MCM5: variants seen among roughly 807,000 people sequenced by gnomAD.
MCM5 encodes the protein DNA replication licensing factor MCM5.
In MCM5, 46 loss-of-function variants were observed where a neutral mutation model predicts 79.9. The observed-to-expected ratio is 0.58, with a 90% CI of 0.45 to 0.74. The LOEUF is 0.74. MCM5 is among the 30% of genes least tolerant of loss of function. The pLI is 0.00. For missense variants in MCM5, 883 were observed against 1,017.0 expected (o/e 0.87, Z 1.79); for synonymous variants, 404 against 390.5 (o/e 1.03, Z -0.41).
intron 15 of MCM5, 46 bp from the exon 16 acceptor site, chr22:35,423,168 C>T: frequency 6.6e-7 from 1 of 1,515,326 alleles, no homozygotes; most frequent in Non-Finnish European, 8.9e-7. Context: ...TCCAAGAACT[C>T]CCATTGTCCC....
intron 13 of MCM5, among the ~76,000 whole-genome samples, chr22:35,418,372 T>C (rs1032721397): frequency 2.0e-5 from 3 of 152,148 alleles, no homozygotes; most frequent in Non-Finnish European, 2.9e-5. Context: ...ATTATATACA[T>C]AGTACTGGCT....
At position 35,416,631 on chromosome 22, in the gene MCM5, C is replaced by T; in HGVS notation, c.1414-7C>T. On this transcript the variant is annotated splice_region_variant and splice_polypyrimidine_tract_variant and intron_variant, in intron 11 of 16. Coordinates refer to ENST00000216122, the MANE Select transcript of MCM5 (RefSeq NM_006739.4). Reference sequence around the variant, plus strand: ...CCTCCCCCTTTTCGTCGTCTGTCGCCTGTTAGGCTGGGATCACCACCACCC... The same window carrying T: ...CCTCCCCCTTTTCGTCGTCTGTCGCTTGTTAGGCTGGGATCACCACCACCC... The T allele has an allele frequency of 6.2e-7, 1 of 1,610,894 alleles. No homozygotes were observed. The highest frequency in any genetic ancestry group is 1.1e-5 in the South Asian group (1 of 91,010).
chr22:35,404,562 G>A (rs1466372184), intron 4 of MCM5, among the ~76,000 whole-genome samples: 1 of 152,158 alleles, frequency 6.6e-6, no homozygotes, highest in East Asian at 1.9e-4. Flanking sequence ...GGGCAAGAAC[G>A]CTTATGGGTG....
At chr22:35,435,024 G>T in the MCM5 span, among the ~76,000 whole-genome samples, 1 of 152,202 alleles carries the variant, frequency 6.6e-6, no homozygotes, top group Admixed American at 6.5e-5. Context: ...GGTGGCAGGT[G>T]CCTGTAGTCC....
intron 9 of MCM5, among the ~76,000 whole-genome samples, chr22:35,415,081 G>T (rs1932503389): frequency 6.6e-6 from 1 of 152,096 alleles, no homozygotes; most frequent in Non-Finnish European, 1.5e-5. Context: ...AAGTAGCTGG[G>T]TGCGGTTGTG....
At chr22:35,416,513 G>T (rs1429848367) in intron 11 of MCM5, 109 bp downstream of exon 11, 1 of 23,114 alleles carries the variant, frequency 4.3e-5, no homozygotes, top group African/African-American at 2.4e-3. Context: ...CCTAGAATCT[G>T]TGTGTGTGTG....
At chr22:35,415,402 C>T (rs1400281197) in intron 9 of MCM5, among the ~76,000 whole-genome samples, 1 of 152,182 alleles carries the variant, frequency 6.6e-6, no homozygotes, top group African/African-American at 2.4e-5. Flanking sequence ...ATTTCAGGGG[C>T]TCTATGGCAG....
At chr22:35,426,322 G>A (rs1199976179), downstream of MCM5, among the ~76,000 whole-genome samples, 1 of 152,188 alleles carries the variant, frequency 6.6e-6, no homozygotes, top group African/African-American at 2.4e-5. Context: ...CTGAAGGGAG[G>A]CCAGGAGAGG....
In MCM5 at chr22:35,412,560, C is replaced by T. The variant is rs752464270; in HGVS notation, c.970C>T (p.Arg324Cys). 2.4e-5 allele frequency: 38 copies of T among 1,580,962 alleles called. No individual in the cohort carries two copies. Among genetic ancestry groups the T allele is most frequent in the Admixed American group, 3.5e-5 (2 of 56,428 alleles). ...VSPQEEEEFR[R>C]LAALPNVYEV... ...CCCCCAGGAGGAGGAGGAGTTCCGTCGCCTGGCTGCCCTCCCAAATGTCTA... is the reference window on the plus strand; with the variant it reads ...CCCCCAGGAGGAGGAGGAGTTCCGTTGCCTGGCTGCCCTCCCAAATGTCTA... The change falls in exon 8 of 17, where the codon CGC becomes TGC. Residue 324 changes from arginine (R) to cysteine (C), a missense_variant. This residue lies in a region of MCM5 where 455 missense variants were observed against 517.5 expected (regional missense o/e 0.88). Coordinates refer to ENST00000216122, the MANE Select transcript of MCM5 (RefSeq NM_006739.4).
At chr22:35,440,579 A>G in the MCM5 span, among the ~76,000 whole-genome samples, 1 of 152,296 alleles carries the variant, frequency 6.6e-6, no homozygotes, top group South Asian at 2.1e-4. Context: ...AAACCCATTC[A>G]AGGACAGGAT....
chr22:35,423,153 C>T (rs1932735994), intron 15 of MCM5, 61 bp from the exon 16 acceptor site: 2 of 1,494,550 alleles, frequency 1.3e-6, no homozygotes, highest in Non-Finnish European at 9.0e-7. Flanking sequence ...TAGAGGCTGT[C>T]TCTGTCCAAG....
the MCM5 span, among the ~76,000 whole-genome samples, chr22:35,452,725 T>G: frequency 6.6e-6 from 1 of 152,134 alleles, no homozygotes; most frequent in Non-Finnish European, 1.5e-5. Flanking sequence ...TCAGTCCGAC[T>G]CCTCCGCTGG....
At chr22:35,438,895 A>C in the MCM5 span, among the ~76,000 whole-genome samples, 12 of 61,010 alleles carry the variant, frequency 2.0e-4, no homozygotes, top group Admixed American at 4.7e-4. Context: ...ATCCATCTAC[A>C]TATCCATCCA....
the MCM5 span, among the ~76,000 whole-genome samples, chr22:35,447,014 G>A: frequency 6.6e-6 from 1 of 152,214 alleles, no homozygotes; most frequent in African/African-American, 2.4e-5. Flanking sequence ...ACTCCGGGCA[G>A]CGGTCCGCGC....
intron 1 of MCM5, 104 bp from the exon 2 acceptor site, chr22:35,400,327 G>T: frequency 7.6e-7 from 1 of 1,315,472 alleles, no homozygotes; most frequent in Non-Finnish European, 1.1e-6. Flanking sequence ...GAGCGCGGCC[G>T]GGGGTCCCCC....
the MCM5 span, among the ~76,000 whole-genome samples, chr22:35,435,061 GA>G: frequency 6.6e-6 from 1 of 152,222 alleles, no homozygotes; most frequent in African/African-American, 2.4e-5. Context: ...TGAGGCAGGA[GA>G]ATTGCTTGAA....
chr22:35,412,509 G>A lies in MCM5; in HGVS notation c.920-1G>A. On this transcript the variant is annotated splice_acceptor_variant, in intron 7 of 16. Coordinates refer to ENST00000216122, the MANE Select transcript of MCM5 (RefSeq NM_006739.4). LOFTEE classifies it high-confidence loss of function. ...CTCATGCGCCTGCTTTGCCTACCAA[G>A]GCCGCAGCTTTGCTGGGGCCGTGAG... 6.5e-7 allele frequency: 1 copy of A among 1,542,158 alleles called. No homozygotes were observed. Among genetic ancestry groups the A allele is most frequent in the East Asian group, 2.4e-5 (1 of 42,060 alleles).
chr22:35,435,668 C>T, the MCM5 span, among the ~76,000 whole-genome samples: 10 of 152,176 alleles, frequency 6.6e-5, no homozygotes. Context: ...GAGTGGGACA[C>T]AACCCTGGCC....
chr22:35,447,428 A>G, the MCM5 span, among the ~76,000 whole-genome samples: 1 of 150,428 alleles, frequency 6.6e-6, no homozygotes, highest in Non-Finnish European at 1.5e-5. Flanking sequence ...TGTGGGGCTT[A>G]TGGACTTTTT....
Sources: gnomAD v4.1 joint callset for allele counts (sites outside exome capture counted in the v4.1 genomes callset) on GRCh38, gnomAD v4.1.1 for gene constraint, gnomAD v4.1.1 regional missense constraint, MANE v1.5 for transcripts, NCBI Gene and HGNC (gene_info 2026-07-23, HGNC 2026-07-21) for gene names.